Variants in PVT1 observed in about 807,000 individuals in gnomAD.
The protein encoded by PVT1 is CXCR4/PVT1 fusion.
rs116818608 is a variant in PVT1 at position 127,948,297 on chromosome 8, G to A, written n.783-40865G>A. On this transcript the variant is annotated intron_variant and non_coding_transcript_variant, in intron 3 of 10. Coordinates refer to ENST00000651587, the Ensembl canonical transcript of PVT1. ...AGCTTGTGCCCATGGTAGGTCCAGG[G>A]CGTTTGGGGGAAGGAGACCGACTCT... is the stretch of plus-strand genomic sequence containing the variant. 2.6e-3 allele frequency: 537 copies of A among 208,092 alleles called. 2 individuals are homozygous for A. Among genetic ancestry groups the A allele is most frequent in the African/African-American group, 0.011 (496 of 43,822 alleles). The allele number at this position is 208,092 out of a possible 1,614,324, so 12.9% of individuals were successfully genotyped here.
chr8:128,029,126 C>A lies in PVT1; in HGVS notation n.912+39835C>A, dbSNP rs141973267. The stretch of plus-strand genomic sequence containing the variant: ...CCAAGCAGCTCTTGGGACTACAGCA[C>A]CACCACCATGGCTGGCTAATTTTTT... On this transcript the variant is annotated intron_variant and non_coding_transcript_variant, in intron 4 of 10. Transcript: ENST00000651587. 3.9e-3 allele frequency among the ~76,000 whole-genome samples: 588 copies of A among 151,920 alleles called. 5 individuals are homozygous for A. The highest frequency in any genetic ancestry group is 3.2e-3 in the Non-Finnish European group (216 of 67,962).
intron 2 of PVT1, among the ~76,000 whole-genome samples, chr8:127,885,336 C>T (rs1815511481): frequency 6.6e-6 from 1 of 152,322 alleles, no homozygotes; most frequent in African/African-American, 2.4e-5. Flanking sequence ...CAACCTGTCA[C>T]AGTCCATTCA....
intron 5 of PVT1, among the ~76,000 whole-genome samples, chr8:128,092,051 C>G (rs552271747): frequency 6.6e-6 from 1 of 151,936 alleles, no homozygotes; most frequent in East Asian, 1.9e-4. Context: ...CGTGTGCAAG[C>G]TTTGGGCCTG....
intron 5 of PVT1, among the ~76,000 whole-genome samples, chr8:128,095,721 C>G (rs1324993621): frequency 2.0e-5 from 3 of 152,220 alleles, no homozygotes; most frequent in African/African-American, 7.2e-5. Context: ...CTCTGAATGT[C>G]AGGGTAACCC....
At chr8:127,816,856 A>G (rs1199343443) in intron 2 of PVT1, among the ~76,000 whole-genome samples, 1 of 152,146 alleles carries the variant, frequency 6.6e-6, no homozygotes, top group African/African-American at 2.4e-5. Flanking sequence ...TGCTGCCTTC[A>G]GCTTCCTTTG....
chr8:127,954,882 C>A (rs1433044563), intron 3 of PVT1, among the ~76,000 whole-genome samples: 1 of 152,184 alleles, frequency 6.6e-6, no homozygotes, highest in Admixed American at 6.5e-5. Flanking sequence ...TTTGCACCAC[C>A]CTACAAGCCT....
chr8:127,966,935 G>C (rs555456729), intron 3 of PVT1, among the ~76,000 whole-genome samples: 1 of 152,082 alleles, frequency 6.6e-6, no homozygotes, highest in African/African-American at 2.4e-5. Flanking sequence ...CCCCTGTCAC[G>C]GGTATCCCAG....
Position 127,901,594 on chromosome 8 carries a change from TAGAG to T in PVT1, n.782+10600_782+10603del, listed in dbSNP as rs372649280. Reference sequence around the variant, plus strand: ...CTTTTCTTTTTTTTATTTTTCTTTTTAGAGAGACAGTCTTGATATGTTGCCTAGG... The same window carrying T: ...CTTTTCTTTTTTTTATTTTTCTTTTTAGACAGTCTTGATATGTTGCCTAGG... On this transcript the variant is annotated intron_variant and non_coding_transcript_variant, in intron 3 of 10. Transcript: ENST00000651587. Among the ~76,000 whole-genome samples, 13 of 152,308 alleles carry T rather than the reference TAGAG, an allele frequency of 8.5e-5. No homozygotes were observed. The East Asian group carries it at 2.5e-3, about 29-fold the overall frequency.
intron 4 of PVT1, among the ~76,000 whole-genome samples, chr8:128,027,689 C>A (rs1332551346): frequency 2.0e-5 from 3 of 152,182 alleles, no homozygotes. Context: ...TGCAAGGTGG[C>A]CAAGGTAGGG....
intron 5 of PVT1, among the ~76,000 whole-genome samples, chr8:128,074,445 G>A (rs1465977700): frequency 6.6e-6 from 1 of 151,076 alleles, no homozygotes; most frequent in African/African-American, 2.4e-5. Flanking sequence ...ATTGCTTGAA[G>A]CCGGGAGGCG....
chr8:127,837,151 C>T (rs1814918433), intron 2 of PVT1, among the ~76,000 whole-genome samples: 2 of 152,174 alleles, frequency 1.3e-5, no homozygotes, highest in Non-Finnish European at 2.9e-5. Context: ...CCATAATTAT[C>T]ACCTAGTCCC....
At chr8:128,026,865 G>C (rs1813301392) in intron 4 of PVT1, among the ~76,000 whole-genome samples, 1 of 152,148 alleles carries the variant, frequency 6.6e-6, no homozygotes. Context: ...TGGGGAACGT[G>C]ACCGGCCTCA....
rs145738477 is a variant in PVT1, at chr8:127,799,813, A to G, written n.372+3742A>G. ...GAGCTTTATTACTTCCTGTGGCTGC[A>G]TGAAGTAGTGGTTTCTGAATAGAAA... On this transcript the variant is annotated intron_variant and non_coding_transcript_variant, in intron 2 of 10. Transcript: ENST00000651587. Among the ~76,000 whole-genome samples the G allele has an allele frequency of 8.0e-3, 1,218 of 152,346 alleles. 23 individuals are homozygous for G. The highest frequency in any genetic ancestry group is 0.027 in the African/African-American group (1,133 of 41,578).
At chr8:128,042,281 A>G (rs1012789772) in intron 4 of PVT1, among the ~76,000 whole-genome samples, 10 of 152,344 alleles carry the variant, frequency 6.6e-5, no homozygotes, top group African/African-American at 2.4e-4. Flanking sequence ...CATATTTTCC[A>G]AGAACTGTGT....
At chr8:128,069,266 CT>C (rs912967342) in intron 4 of PVT1, among the ~76,000 whole-genome samples, 1 of 151,936 alleles carries the variant, frequency 6.6e-6, no homozygotes, top group African/African-American at 2.4e-5. Context: ...CTTTTTTTCT[CT>C]TCTTTCATCT....
At chr8:128,054,415 C>T (rs1813739851) in intron 4 of PVT1, among the ~76,000 whole-genome samples, 1 of 152,174 alleles carries the variant, frequency 6.6e-6, no homozygotes, top group African/African-American at 2.4e-5. Flanking sequence ...TGCAGAACAG[C>T]AAGCTTACAT....
At chr8:127,933,642 G>C (rs928271894) in intron 3 of PVT1, among the ~76,000 whole-genome samples, 2 of 152,152 alleles carry the variant, frequency 1.3e-5, no homozygotes, top group Non-Finnish European at 2.9e-5. Flanking sequence ...AGCCTCTCTG[G>C]GTTTGGTGGG....
At chr8:128,017,637 A>G (rs981503585) in intron 4 of PVT1, among the ~76,000 whole-genome samples, 3 of 150,042 alleles carry the variant, frequency 2.0e-5, no homozygotes, top group Admixed American at 6.7e-5. Context: ...GGATCTTGCT[A>G]TGTTGCCAGG....
chr8:127,831,135 A>ATC (rs543893501), intron 2 of PVT1, among the ~76,000 whole-genome samples: 200 of 113,026 alleles, frequency 1.8e-3, no homozygotes, highest in South Asian at 9.1e-3. Context: ...CTATATCTAT[A>ATC]TCTATCTCTC....
Sources: allele counts gnomAD v4.1 joint callset (sites outside exome capture counted in the v4.1 genomes callset), GRCh38; gene constraint gnomAD v4.1.1; transcripts MANE v1.5; gene names NCBI Gene and HGNC (gene_info 2026-07-23, HGNC 2026-07-21).